Variants in CNTN1 observed in about 807,000 individuals in gnomAD.
The protein encoded by CNTN1 is contactin 1, also known as contactin-1.
A neutral mutation model predicts 126.4 loss-of-function variants in CNTN1; 38 were observed. The ratio of observed to expected loss-of-function variants is 0.30; its 90% CI spans 0.23 to 0.39. The LOEUF (loss-of-function observed/expected upper bound fraction) is 0.39. Among genes scored for constraint, CNTN1 ranks in the 10% least tolerant of loss-of-function variants. The pLI is 1.00. For synonymous variants in CNTN1, 413 were observed against 422.6 expected, an observed-to-expected ratio of 0.98 and a Z score of 0.28; for missense variants, 1,009 against 1,248.4, an observed-to-expected ratio of 0.81 and a Z score of 2.89.
Position 41,050,789 on chromosome 12 carries a change from A to G in CNTN1, c.2981-19170A>G, listed in dbSNP as rs544904827. Among the ~76,000 whole-genome samples the G allele has an allele frequency of 7.2e-5, 11 of 152,330 alleles. No individual in the cohort carries two copies. The South Asian group carries it at 2.3e-3, about 32-fold the overall frequency. On this transcript the variant is annotated intron_variant, in intron 23 of 23. Transcript: ENST00000551295. ...ATAACCGGAAGTATGAGTGGGAAAG[A>G]CAACACTCTATATCAGCATTTCTCA... is the stretch of plus-strand genomic sequence containing the variant.
intron 1 of CNTN1, among the ~76,000 whole-genome samples, chr12:40,855,250 C>T (rs1051589784): frequency 6.6e-6 from 1 of 152,042 alleles, no homozygotes; most frequent in South Asian, 2.1e-4. Context: ...TTGACATAAA[C>T]ATTCATCATA....
chr12:41,023,858 T>C (rs943716724), intron 20 of CNTN1, among the ~76,000 whole-genome samples: 1 of 152,180 alleles, frequency 6.6e-6, no homozygotes, highest in Admixed American at 6.6e-5. Flanking sequence ...AGGTTGTTTA[T>C]TATTGTTGTT....
At chr12:41,023,356 C>T (rs1948968467) in intron 20 of CNTN1, among the ~76,000 whole-genome samples, 1 of 152,182 alleles carries the variant, frequency 6.6e-6, no homozygotes, top group African/African-American at 2.4e-5. Flanking sequence ...TAAAGTGTAT[C>T]TCAGTAGAAT....
At chr12:40,805,286 A>G (rs1050035991) in intron 1 of CNTN1, among the ~76,000 whole-genome samples, 10 of 151,912 alleles carry the variant, frequency 6.6e-5, no homozygotes, top group African/African-American at 2.4e-4. Flanking sequence ...GGACTTTTGC[A>G]CGACTGATAT....
chr12:40,926,446 A>G (rs554249727), intron 6 of CNTN1, among the ~76,000 whole-genome samples: 8 of 152,238 alleles, frequency 5.3e-5, no homozygotes, highest in African/African-American at 1.9e-4. Flanking sequence ...GGTAGTAAGA[A>G]ATGAAATAAG....
At chr12:40,728,406 G>T (rs895190819) in intron 1 of CNTN1, among the ~76,000 whole-genome samples, 1 of 152,136 alleles carries the variant, frequency 6.6e-6, no homozygotes, top group African/African-American at 2.4e-5. Flanking sequence ...ACAAGGGGAA[G>T]GGTAGAGGAC....
At chr12:40,783,069 G>A (rs1353068776) in intron 1 of CNTN1, among the ~76,000 whole-genome samples, 1 of 151,926 alleles carries the variant, frequency 6.6e-6, no homozygotes, top group Non-Finnish European at 1.5e-5. Context: ...AAACTGTTTT[G>A]TTAGAGAACA....
intron 1 of CNTN1, among the ~76,000 whole-genome samples, chr12:40,837,789 C>T (rs1199834346): frequency 1.3e-5 from 2 of 152,136 alleles, no homozygotes; most frequent in East Asian, 3.9e-4. Context: ...ACTGCTAGGA[C>T]AGAGACTGAG....
chr12:40,937,454 C>T lies in CNTN1; in HGVS notation c.1111-116C>T, dbSNP rs549521412. On this transcript the variant is annotated intron_variant, in intron 10 of 23. Transcript: ENST00000551295. ...ATCCCACTCAGTTCATCTTAGGTAA[C>T]AGTGGGGGCAGATGAACATAATGTA... 3.0e-5 allele frequency: 22 copies of T among 742,414 alleles called. No individual in the cohort carries two copies. In the African/African-American group the frequency reaches 3.4e-4, roughly 12 times the overall value. The allele number at this position is 742,414 out of a possible 1,614,324, so 46.0% of individuals were successfully genotyped here.
intron 1 of CNTN1, among the ~76,000 whole-genome samples, chr12:40,876,710 A>T (rs973177514): frequency 1.3e-5 from 2 of 152,146 alleles, no homozygotes; most frequent in Admixed American, 6.5e-5. Context: ...ATATATAATA[A>T]CTTTTCTTAT....
intron 17 of CNTN1, among the ~76,000 whole-genome samples, chr12:40,994,686 A>G (rs2120523047): frequency 6.6e-6 from 1 of 152,210 alleles, no homozygotes; most frequent in African/African-American, 2.4e-5. Context: ...ATCTTAGATT[A>G]CCTACATATC....
At chr12:40,697,049 A>T (rs561071634) in intron 1 of CNTN1, among the ~76,000 whole-genome samples, 88 of 152,280 alleles carry the variant, frequency 5.8e-4, no homozygotes, top group Admixed American at 1.1e-3. Context: ...AGATCTTCAG[A>T]TTGTTTTCAG....
intron 1 of CNTN1, among the ~76,000 whole-genome samples, chr12:40,739,821 C>T (rs1233833918): frequency 6.6e-6 from 1 of 151,784 alleles, no homozygotes; most frequent in Admixed American, 6.6e-5. Context: ...AGTAACAATA[C>T]AAAGGAGAAA....
chr12:40,955,113 G>A (rs1266690513), intron 14 of CNTN1, among the ~76,000 whole-genome samples: 1 of 151,912 alleles, frequency 6.6e-6, no homozygotes, highest in Non-Finnish European at 1.5e-5. Flanking sequence ...CACATGGTTG[G>A]ATTTTCCAGT....
At chr12:40,976,000 G>A (rs573473583) in intron 15 of CNTN1, among the ~76,000 whole-genome samples, 1 of 152,246 alleles carries the variant, frequency 6.6e-6, no homozygotes, top group Admixed American at 6.5e-5. Context: ...GCATGGGTAG[G>A]GGGAGGTGGT....
chr12:40,795,298 C>T (rs1940378257), intron 1 of CNTN1, among the ~76,000 whole-genome samples: 1 of 66,224 alleles, frequency 1.5e-5, no homozygotes, highest in Non-Finnish European at 3.3e-5. Context: ...CACACACACA[C>T]ACACACACAC....
chr12:40,918,695 A>T lies in CNTN1; in HGVS notation c.151A>T (p.Ile51Phe). ...PIFEEQPINT[I>F]YPEESLEGKV... is the part of the protein sequence containing the mutation. ...TTTTGAAGAGCAGCCAATCAATACCATTTATCCAGAGGAATCACTGGAAGG... is the reference window on the plus strand; with the variant it reads ...TTTTGAAGAGCAGCCAATCAATACCTTTTATCCAGAGGAATCACTGGAAGG... The change falls in exon 4 of 24, where the codon ATT (isoleucine) becomes TTT (phenylalanine). Residue 51 changes from isoleucine to phenylalanine, a missense_variant. By Grantham distance (21) the Ile-to-Phe change is conservative. Coordinates refer to ENST00000551295, the MANE Select transcript of CNTN1 (RefSeq NM_001843.4). The T allele has an allele frequency of 1.2e-6, 2 of 1,613,482 alleles. No individual in the cohort carries two copies. Among genetic ancestry groups the T allele is most frequent in the East Asian group, 4.5e-5 (2 of 44,860 alleles).
intron 23 of CNTN1, among the ~76,000 whole-genome samples, chr12:41,066,115 AAAAAATAATGTCG>A (rs1950044893): frequency 6.6e-6 from 1 of 152,200 alleles, no homozygotes; most frequent in African/African-American, 2.4e-5. Flanking sequence ...TCGGAAGAAT[AAAAAATAATGTCG>A]GACCAGGACT....
At chr12:40,878,476 C>T (rs6582045) in intron 1 of CNTN1, among the ~76,000 whole-genome samples, 87,789 of 151,952 alleles carry the variant, frequency 0.58, 25,809 homozygotes, top group African/African-American at 0.68. Context: ...AAATGACTGA[C>T]ATGTTCAATT....
Sources: allele counts gnomAD v4.1 joint callset (sites outside exome capture counted in the v4.1 genomes callset), GRCh38; gene constraint gnomAD v4.1.1; transcripts MANE v1.5; gene names NCBI Gene and HGNC (gene_info 2026-07-23, HGNC 2026-07-21).